DEFB132: variants seen among roughly 807,000 people sequenced by gnomAD.
DEFB132 encodes the protein beta-defensin 132.
Under a neutral mutation model 2.5 loss-of-function variants are expected in DEFB132, and 5 were observed. That is an observed-to-expected ratio of 2.00 (90% CI 1.04 to 4.20). The LOEUF (loss-of-function observed/expected upper bound fraction) is 4.20, where lower values mean the gene tolerates loss of function less well. Ranked by LOEUF, DEFB132 falls within the 30% of genes most tolerant of loss-of-function variation. DEFB132 has a pLI of 0.00. For missense variants in DEFB132, 112 were observed against 110.0 expected, an observed-to-expected ratio of 1.02 and a Z score of -0.08; for synonymous variants, 53 against 46.2, an observed-to-expected ratio of 1.15 and a Z score of -0.60.
chr20:259,143 G>T lies in DEFB132; in HGVS notation c.125G>T (p.Gly42Val). The change falls in exon 2 of 2, where the codon GGG (glycine) becomes GTG (valine). Residue 42 changes from glycine to valine, a missense_variant. Gly to Val is a moderately radical substitution (Grantham distance 109). Transcript: ENST00000382376. Reference sequence around the variant, plus strand: ...TACTGCAGGACATGTTGCCACTGGGGGGAGACAGCATTGTTCATGTGCAAC... The same window carrying T: ...TACTGCAGGACATGTTGCCACTGGGTGGAGACAGCATTGTTCATGTGCAAC... ...PGYCRTCCHW[G>V]ETALFMCNAS... 1.2e-6 allele frequency: 2 copies of T among 1,614,182 alleles called. No homozygotes were observed. The highest frequency in any genetic ancestry group is 1.7e-6 in the Non-Finnish European group (2 of 1,180,046).
intron 1 of DEFB132, 63 bp downstream of exon 1, chr20:257,899 C>T (rs416360): frequency 0.6 from 925,895 of 1,535,500 alleles, 280,913 homozygotes; most frequent in East Asian, 0.69. Context: ...TATCTGGTTG[C>T]TCTGGTGATA....
chr20:259,745 AAG>A lies in DEFB132; in HGVS notation c.*440_*441del, dbSNP rs2011622320. 4.9e-6 allele frequency: 1 copy of A among 203,162 alleles called. No homozygotes were observed. The highest frequency in any genetic ancestry group is 1.4e-4 in the East Asian group (1 of 7,024). The allele number at this position is 203,162 out of a possible 1,614,324, so 12.6% of individuals were successfully genotyped here. A position where few individuals can be genotyped will look rare whatever the true frequency, so the allele number is the denominator to read the frequency against. On this transcript the variant is annotated 3_prime_UTR_variant, in exon 2 of 2. Coordinates refer to ENST00000382376, the MANE Select transcript of DEFB132 (RefSeq NM_207469.3). ...GGAGACTAAGACTGCAGCTCTAAGA[AAG>A]TCTCAGCCAAACAGATGGGGAGGCC...
rs1240585445 is a variant in DEFB132 at position 259,331 on chromosome 20, A to G, written c.*25A>G. ...ATAACCACTGCTATCGCCTCCACCA[A>G]CTCAGAGAAATATCATTTCCACAGT... On this transcript the variant is annotated 3_prime_UTR_variant, in exon 2 of 2. Transcript: ENST00000382376. The G allele has an allele frequency of 6.2e-7, 1 of 1,608,136 alleles. No individual in the cohort carries two copies. Among genetic ancestry groups the G allele is most frequent in the Non-Finnish European group, 8.5e-7 (1 of 1,176,240 alleles).
intron 1 of DEFB132, 86 bp downstream of exon 1, chr20:257,922 T>C (rs1249415734): frequency 3.5e-6 from 5 of 1,431,146 alleles, no homozygotes; most frequent in African/African-American, 2.8e-5. Flanking sequence ...TGAGCCAGGT[T>C]GGGTGGAGGC....
rs562910278 is a variant in DEFB132, at chr20:259,188, T to A, written c.170T>A (p.Ile57Asn). The A allele has an allele frequency of 1.5e-4, 243 of 1,614,176 alleles. 1 individual carries two copies. The South Asian group carries it at 2.5e-3, about 16-fold the overall frequency. The change falls in exon 2 of 2, where the codon ATC (isoleucine) becomes AAC (asparagine). Residue 57 changes from isoleucine (I) to asparagine (N), a missense_variant. Transcript: ENST00000382376. Reference sequence around the variant, plus strand: ...TGCAACGCTTCCAGAAAATGCTGCATCAGCTACTCCTTCCTGCCGAAGCCT... The same window carrying A: ...TGCAACGCTTCCAGAAAATGCTGCAACAGCTACTCCTTCCTGCCGAAGCCT... The part of the protein sequence containing the change: ...FMCNASRKCC[I>N]SYSFLPKPDL...
rs181327286 is a variant in DEFB132 at position 260,288 on chromosome 20, C to T, written c.*982C>T. 6.6e-6 allele frequency: 1 copy of T among 152,110 alleles called. No homozygotes were observed. Among genetic ancestry groups the T allele is most frequent in the East Asian group, 1.9e-4 (1 of 5,176 alleles). The allele number at this position is 152,110 out of a possible 1,614,324, so 9.4% of individuals were successfully genotyped here. On this transcript the variant is annotated 3_prime_UTR_variant, in exon 2 of 2. Transcript: ENST00000382376. ...GGGAATTGGCTCATCATAAATTATC[C>T]AAGAGAAGCACAAAGTTATGGGCAC... is the stretch of plus-strand genomic sequence containing the variant.
Position 259,328 on chromosome 20 carries a change from C to T in DEFB132, c.*22C>T. 1 of 1,609,458 alleles carries T rather than the reference C, an allele frequency of 6.2e-7. No individual in the cohort carries two copies. Among genetic ancestry groups the T allele is most frequent in the South Asian group, 1.1e-5 (1 of 90,798 alleles). On this transcript the variant is annotated 3_prime_UTR_variant, in exon 2 of 2. Coordinates refer to ENST00000382376, the MANE Select transcript of DEFB132 (RefSeq NM_207469.3). ...ATAATAACCACTGCTATCGCCTCCA[C>T]CAACTCAGAGAAATATCATTTCCAC...
rs1428013023 is a variant in DEFB132, at chr20:259,439, T to A, written c.*133T>A. 3.4e-6 allele frequency: 3 copies of A among 890,498 alleles called. No individual in the cohort carries two copies. Among genetic ancestry groups the A allele is most frequent in the Non-Finnish European group, 5.0e-6 (3 of 595,252 alleles). 55.2% of individuals were successfully genotyped at this position (890,498 alleles called of 1,614,324 possible). On this transcript the variant is annotated 3_prime_UTR_variant, in exon 2 of 2. Transcript: ENST00000382376. Reference sequence around the variant, plus strand: ...TCTATAGCCAACCCCAAAACTTCTGTCTTCTATCATTCTGTCATTCATCTA... The same window carrying A: ...TCTATAGCCAACCCCAAAACTTCTGACTTCTATCATTCTGTCATTCATCTA...
Position 260,292 on chromosome 20 carries a change from A to T in DEFB132, c.*986A>T. ...ATTGGCTCATCATAAATTATCCAAG[A>T]GAAGCACAAAGTTATGGGCACAAAG... On this transcript the variant is annotated 3_prime_UTR_variant, in exon 2 of 2. Coordinates refer to ENST00000382376, the MANE Select transcript of DEFB132 (RefSeq NM_207469.3). The T allele has an allele frequency of 6.6e-6, 1 of 152,256 alleles. No individual in the cohort carries two copies. Among genetic ancestry groups the T allele is most frequent in the East Asian group, 1.9e-4 (1 of 5,206 alleles). The allele number at this position is 152,256 out of a possible 1,614,324, so 9.4% of individuals were successfully genotyped here.
Position 259,081 on chromosome 20 carries a change from T to C in DEFB132, c.63T>C (p.Ser21=), listed in dbSNP as rs1370142152. 3 of 1,614,142 alleles carry C rather than the reference T, an allele frequency of 1.9e-6. No homozygotes were observed. Among genetic ancestry groups the C allele is most frequent in the Non-Finnish European group, 2.5e-6 (3 of 1,180,034 alleles). ...LGFLTQVIPA[S]AGGSKCVSNT... ...GTCTTGTCCTCTCCCATACAGCCAGTGCAGGTGGGTCAAAATGTGTGAGTA... is the reference window on the plus strand; with the variant it reads ...GTCTTGTCCTCTCCCATACAGCCAGCGCAGGTGGGTCAAAATGTGTGAGTA... The change falls in exon 2 of 2, where the codon AGT becomes AGC. Residue 21 remains serine (S), a synonymous_variant. Coordinates refer to ENST00000382376, the MANE Select transcript of DEFB132 (RefSeq NM_207469.3).
At position 259,690 on chromosome 20, in the gene DEFB132, G is replaced by C. The variant is rs1600177103; in HGVS notation, c.*384G>C. On this transcript the variant is annotated 3_prime_UTR_variant, in exon 2 of 2. Coordinates refer to ENST00000382376, the MANE Select transcript of DEFB132 (RefSeq NM_207469.3). Reference sequence around the variant, plus strand: ...AACGCTGGCCTGATACGTGTCAAAGGAGAGAGGGATAGAGGAGGATTGAAT... The same window carrying C: ...AACGCTGGCCTGATACGTGTCAAAGCAGAGAGGGATAGAGGAGGATTGAAT... 27 of 306,556 alleles carry C rather than the reference G, an allele frequency of 8.8e-5. 1 individual carries two copies. Among genetic ancestry groups the C allele is most frequent in the South Asian group, 8.0e-4 (27 of 33,846 alleles). 19.0% of individuals were successfully genotyped at this position (306,556 alleles called of 1,614,324 possible).
Position 257,772 on chromosome 20 carries a change from T to G in DEFB132, c.-7T>G. ...CACCACCAGCTCCCCAAGCCACCCCTTCAGCCATGAAGTTCCTGCTCCTGG... is the reference window on the plus strand; with the variant it reads ...CACCACCAGCTCCCCAAGCCACCCCGTCAGCCATGAAGTTCCTGCTCCTGG... On this transcript the variant is annotated 5_prime_UTR_variant, in exon 1 of 2. Transcript: ENST00000382376. 6.3e-7 allele frequency: 1 copy of G among 1,586,666 alleles called. No individual in the cohort carries two copies. The highest frequency in any genetic ancestry group is 8.6e-7 in the Non-Finnish European group (1 of 1,168,488).
Position 257,812 on chromosome 20 carries a change from G to A in DEFB132, c.34G>A (p.Gly12Arg), listed in dbSNP as rs771337536. The change falls in exon 1 of 2, where the codon GGA becomes AGA. Residue 12 changes from glycine (G) to arginine (R), a missense_variant. By Grantham distance (125) the Gly-to-Arg change is moderately radical. Coordinates refer to ENST00000382376, the MANE Select transcript of DEFB132 (RefSeq NM_207469.3). ...KFLLLVLAAL[G>R]FLTQVIPASA... ...CCTGCTCCTGGTCTTGGCAGCCCTC[G>A]GATTCCTGACCCAGGTGATCCCAGG... 1.1e-5 allele frequency: 18 copies of A among 1,608,670 alleles called. No individual in the cohort carries two copies. Among genetic ancestry groups the A allele is most frequent in the East Asian group, 1.1e-4 (5 of 44,790 alleles).
Position 259,770 on chromosome 20 carries a change from G to A in DEFB132, c.*464G>A. 5.2e-6 allele frequency: 1 copy of A among 193,800 alleles called. No homozygotes were observed. Among genetic ancestry groups the A allele is most frequent in the Non-Finnish European group, 1.1e-5 (1 of 93,680 alleles). The allele number at this position is 193,800 out of a possible 1,614,324, so 12.0% of individuals were successfully genotyped here. On this transcript the variant is annotated 3_prime_UTR_variant, in exon 2 of 2. Coordinates refer to ENST00000382376, the MANE Select transcript of DEFB132 (RefSeq NM_207469.3). ...AAGTCTCAGCCAAACAGATGGGGAG[G>A]CCCAAAGCAAGGCTTGCCCCTCAGA... is the stretch of plus-strand genomic sequence containing the variant.
rs1266750570 is a variant in DEFB132 at position 257,827 on chromosome 20, G to A, written c.49G>A (p.Val17Met). 1.2e-6 allele frequency: 2 copies of A among 1,608,714 alleles called. No homozygotes were observed. The highest frequency in any genetic ancestry group is 8.5e-7 in the Non-Finnish European group (1 of 1,176,206). The change falls in exon 1 of 2, where the codon GTG becomes ATG. Residue 17 changes from valine to methionine, a missense_variant. Physicochemically the swap from Val to Met is conservative, Grantham distance 21 (BLOSUM62 1). Transcript: ENST00000382376. ...GGCAGCCCTCGGATTCCTGACCCAGGTGATCCCAGGTAAACTGGATAAATA... is the reference window on the plus strand; with the variant it reads ...GGCAGCCCTCGGATTCCTGACCCAGATGATCCCAGGTAAACTGGATAAATA... ...VLAALGFLTQ[V>M]IPASAGGSKC... is the part of the protein sequence containing the mutation.
chr20:258,936 G>A (rs1600176755), intron 1 of DEFB132, 141 bp from the exon 2 acceptor site: 3 of 781,078 alleles, frequency 3.8e-6, no homozygotes, highest in East Asian at 5.4e-5. Flanking sequence ...CTCATCACTG[G>A]CTTTCCCAAG....
chr20:259,790 C>T lies in DEFB132; in HGVS notation c.*484C>T, dbSNP rs1455165011. On this transcript the variant is annotated 3_prime_UTR_variant, in exon 2 of 2. Transcript: ENST00000382376. ...GGGAGGCCCAAAGCAAGGCTTGCCC[C>T]TCAGAGGAGCTCACGCAGGGCAGGA... 4 of 183,552 alleles carry T rather than the reference C, an allele frequency of 2.2e-5. No individual in the cohort carries two copies. Among genetic ancestry groups the T allele is most frequent in the Admixed American group, 2.2e-4 (4 of 18,450 alleles). 11.4% of individuals were successfully genotyped at this position (183,552 alleles called of 1,614,324 possible).
Position 259,531 on chromosome 20 carries a change from T to G in DEFB132, c.*225T>G, listed in dbSNP as rs2011619024. On this transcript the variant is annotated 3_prime_UTR_variant, in exon 2 of 2. Coordinates refer to ENST00000382376, the MANE Select transcript of DEFB132 (RefSeq NM_207469.3). ...ATCATGCAGATTCGTCCACAGGGGA[T>G]CTGTCAGTTTGGGTCCTCCAAATGA... 6 of 556,206 alleles carry G rather than the reference T, an allele frequency of 1.1e-5. No homozygotes were observed. Among genetic ancestry groups the G allele is most frequent in the Non-Finnish European group, 1.9e-5 (6 of 312,592 alleles). The allele number at this position is 556,206 out of a possible 1,614,324, so 34.5% of individuals were successfully genotyped here.
intron 1 of DEFB132, 69 bp downstream of exon 1, chr20:257,905 T>C: frequency 6.6e-7 from 1 of 1,520,838 alleles, no homozygotes; most frequent in Non-Finnish European, 9.0e-7. Context: ...GTTGCTCTGG[T>C]GATAGATGAG....
Sources: gnomAD v4.1 joint callset for allele counts on GRCh38, gnomAD v4.1.1 for gene constraint, MANE v1.5 for transcripts, NCBI Gene and HGNC (gene_info 2026-07-23, HGNC 2026-07-21) for gene names.